Variants in COL6A5 observed in about 807,000 individuals in gnomAD.
The protein encoded by COL6A5 is collagen type VI alpha 5 chain, also known as collagen alpha-5(VI) chain.
Under a neutral mutation model 65.6 loss-of-function variants are expected in COL6A5, and 48 were observed. The observed-to-expected ratio is 0.73, with a 90% CI of 0.58 to 0.93. The LOEUF (loss-of-function observed/expected upper bound fraction) is 0.93, where lower values mean the gene tolerates loss of function less well. COL6A5 is among the 40% of genes least tolerant of loss of function. COL6A5 has a pLI of 0.00. For synonymous variants in COL6A5, 291 were observed against 322.8 expected, an observed-to-expected ratio of 0.90 and a Z score of 1.05; for missense variants, 914 against 928.3, an observed-to-expected ratio of 0.98 and a Z score of 0.20.
chr3:130,374,856 T>A (rs1240765950), intron 2 of COL6A5, among the ~76,000 whole-genome samples: 1 of 152,196 alleles, frequency 6.6e-6, no homozygotes, highest in African/African-American at 2.4e-5. Flanking sequence ...AGTGTGTGTA[T>A]GTCCGTGTCT....
rs1936959006 is a variant in COL6A5 at position 130,405,608 on chromosome 3, A to T, written c.4302A>T (p.Gly1434=). Residue 1434 remains glycine (G), a synonymous_variant and NMD_transcript_variant, in exon 14 of 42, where the codon GGA becomes GGT. Coordinates refer to the COL6A5 transcript ENST00000312481. Reference sequence around the variant, plus strand: ...CTTAGGGAGTACGAGGAGACACAGGACCCCAAGGAGACAAAGGGATTGCAG... The same window carrying T: ...CTTAGGGAGTACGAGGAGACACAGGTCCCCAAGGAGACAAAGGGATTGCAG... The T allele has an allele frequency of 1.9e-6, 3 of 1,550,844 alleles. No homozygotes were observed. In the East Asian group the frequency reaches 7.3e-5, roughly 38 times the overall value.
intron 5 of COL6A5, among the ~76,000 whole-genome samples, chr3:130,386,380 C>T (rs4688794): frequency 0.86 from 130,362 of 152,052 alleles, 56,153 homozygotes; most frequent in Non-Finnish European, 0.89. Context: ...CAGAAGGTGG[C>T]TAAGGTGTTC....
At chr3:130,420,085 A>G (rs1937481682) in intron 25 of COL6A5, among the ~76,000 whole-genome samples, 1 of 152,014 alleles carries the variant, frequency 6.6e-6, no homozygotes, top group Non-Finnish European at 1.5e-5. Flanking sequence ...AGCAAGTCTT[A>G]AAAAGTATCT....
At chr3:130,365,594 A>G (rs1211634002) in intron 1 of COL6A5, among the ~76,000 whole-genome samples, 4 of 152,158 alleles carry the variant, frequency 2.6e-5, no homozygotes, top group Non-Finnish European at 5.9e-5. Flanking sequence ...TTTTATGTAC[A>G]TGGTCTCATG....
At chr3:130,428,374 G>A (rs1458486631), upstream of COL6A5, among the ~76,000 whole-genome samples, 1 of 152,056 alleles carries the variant, frequency 6.6e-6, no homozygotes, top group East Asian at 1.9e-4. Context: ...CAGGGATGAG[G>A]GCCAGGCTGA....
chr3:130,373,157 A>G (rs772596117), intron 1 of COL6A5, among the ~76,000 whole-genome samples: 1 of 152,212 alleles, frequency 6.6e-6, no homozygotes, highest in South Asian at 2.1e-4. Flanking sequence ...ATAACAATAA[A>G]GGGTAGAGAA....
rs995627957 is a variant in COL6A5, at chr3:130,377,339, A to G, written c.667+503A>G. 5.3e-5 allele frequency among the ~76,000 whole-genome samples: 8 copies of G among 152,226 alleles called. 1 individual carries two copies. The highest frequency in any genetic ancestry group is 1.2e-4 in the Non-Finnish European group (8 of 68,036). ...CTATTTCTCAATGAATTAATACGTG[A>G]GGATCTTACAGATAAAGAAATAGGA... is the stretch of plus-strand genomic sequence containing the variant. On this transcript the variant is annotated intron_variant and NMD_transcript_variant, in intron 3 of 41. Coordinates refer to the COL6A5 transcript ENST00000312481.
intron 10 of COL6A5, among the ~76,000 whole-genome samples, chr3:130,400,546 A>G (rs557916232): frequency 2.6e-5 from 4 of 151,830 alleles, no homozygotes; most frequent in East Asian, 1.9e-4. Context: ...AGCTGAGACA[A>G]TTGCCCTGGG....
exon 1 of COL6A5, chr3:130,431,890 C>T (rs1937831413): frequency 6.4e-7 from 1 of 1,551,566 alleles, no homozygotes. Flanking sequence ...GTTTAGTGCC[C>T]TGGATATCAG....
At chr3:130,390,071 A>C (rs190613061) in intron 6 of COL6A5, among the ~76,000 whole-genome samples, 5 of 152,286 alleles carry the variant, frequency 3.3e-5, no homozygotes, top group Admixed American at 3.3e-4. Context: ...GTAACAGCTT[A>C]ATTGGAATTT....
intron 20 of COL6A5, among the ~76,000 whole-genome samples, chr3:130,412,324 G>A (rs1215779980): frequency 1.3e-5 from 2 of 152,090 alleles, no homozygotes; most frequent in African/African-American, 4.8e-5. Context: ...GCTTGCCCAA[G>A]GTCACAAGAA....
At chr3:130,370,648 A>G (rs751888619) in intron 1 of COL6A5, among the ~76,000 whole-genome samples, 8 of 152,238 alleles carry the variant, frequency 5.3e-5, no homozygotes, top group Non-Finnish European at 1.0e-4. Flanking sequence ...TTATACAAAA[A>G]CAGTGTAAAT....
chr3:130,441,544 C>T (rs1559905859), intron 3 of COL6A5, among the ~76,000 whole-genome samples: 3 of 152,148 alleles, frequency 2.0e-5, no homozygotes, highest in Non-Finnish European at 4.4e-5. Flanking sequence ...GACTCTGTCT[C>T]ATTGAACAGG....
Position 130,459,507 on chromosome 3 carries a change from A to G in COL6A5, c.1544+3841A>G, listed in dbSNP as rs1334945698. ...TTTTTTTAATTGTCAAAACTGGAGG[A>G]CACTACTGGCATCTAGTGAATAGAG... On this transcript the variant is annotated intron_variant, in intron 5 of 7. Coordinates refer to ENST00000512836, the Ensembl canonical transcript of COL6A5. 2.6e-5 allele frequency among the ~76,000 whole-genome samples: 4 copies of G among 152,048 alleles called. No individual in the cohort carries two copies. The East Asian group carries it at 7.7e-4, about 29-fold the overall frequency.
exon 6 of COL6A5, chr3:130,469,260 A>G: frequency 6.2e-7 from 1 of 1,612,998 alleles, no homozygotes; most frequent in South Asian, 1.1e-5. Context: ...GGCGAAACCA[A>G]CTCTTTAGAC....
At chr3:130,354,410 T>C (rs1934844672) in intron 1 of COL6A5, among the ~76,000 whole-genome samples, 1 of 152,062 alleles carries the variant, frequency 6.6e-6, no homozygotes, top group Non-Finnish European at 1.5e-5. Flanking sequence ...GTTGAAAAAA[T>C]GTCAGATACA....
At chr3:130,463,675 G>A (rs1034165703) in intron 5 of COL6A5, among the ~76,000 whole-genome samples, 1 of 152,060 alleles carries the variant, frequency 6.6e-6, no homozygotes, top group Non-Finnish European at 1.5e-5. Context: ...TTGAAGATGA[G>A]AATTTGGCTG....
At chr3:130,422,032 T>A (rs1296609307) in intron 27 of COL6A5, among the ~76,000 whole-genome samples, 2 of 152,244 alleles carry the variant, frequency 1.3e-5, no homozygotes, top group East Asian at 3.9e-4. Context: ...GTGATGCTTA[T>A]ATTAAAATAC....
intron 1 of COL6A5, among the ~76,000 whole-genome samples, chr3:130,433,443 A>G (rs1008522094): frequency 1.3e-5 from 2 of 152,230 alleles, no homozygotes; most frequent in African/African-American, 2.4e-5. Flanking sequence ...AAGGTGACCC[A>G]GGAAGCTATC....
Sources: gnomAD v4.1 joint callset for allele counts (sites outside exome capture counted in the v4.1 genomes callset) on GRCh38, gnomAD v4.1.1 for gene constraint, MANE v1.5 for transcripts, NCBI Gene and HGNC (gene_info 2026-07-23, HGNC 2026-07-21) for gene names.